The following SEMA6A variants were observed in gnomAD, a reference collection of about 807,000 sequenced individuals.
The protein encoded by SEMA6A is semaphorin 6A.
SEMA6A carries 25 observed loss-of-function variants against 96.8 expected under a neutral mutation model. The observed-to-expected ratio is 0.26, with a 90% CI of 0.19 to 0.36. SEMA6A has a LOEUF of 0.36. Ranked by LOEUF, SEMA6A falls within the 10% of genes least tolerant of loss-of-function variation. The pLI is 1.00. For synonymous variants in SEMA6A, 612 were observed against 518.0 expected (o/e 1.18, Z -2.46); for missense variants, 1,363 against 1,323.1 (o/e 1.03, Z -0.47).
At position 116,491,823 on chromosome 5, in the gene SEMA6A, G is replaced by A. The variant is rs374701163; in HGVS notation, c.452C>T (p.Thr151Ile). Reference sequence around the variant, plus strand: ...GAATTCATCCCCGAATGGTTCCAATGTATCCATCTAAATGAAATAATCAGA... The same window carrying A: ...GAATTCATCCCCGAATGGTTCCAATATATCCATCTAAATGAAATAATCAGA... Reference protein sequence around the residue: ...NPSCRNYKMDTLEPFGDEFSG... With the variant: ...NPSCRNYKMDILEPFGDEFSG... The change falls in exon 7 of 19, where the codon ACA becomes ATA. Residue 151 changes from threonine to isoleucine, a missense_variant. Transcript: ENST00000343348. 15 of 1,610,876 alleles carry A rather than the reference G, an allele frequency of 9.3e-6. No individual in the cohort carries two copies. Among genetic ancestry groups the A allele is most frequent in the African/African-American group, 1.3e-5 (1 of 74,894 alleles).
At chr5:116,557,573 A>G (rs1444576988) in intron 1 of SEMA6A, among the ~76,000 whole-genome samples, 2 of 152,262 alleles carry the variant, frequency 1.3e-5, no homozygotes, top group African/African-American at 4.8e-5. Context: ...TTTTTTGCAC[A>G]TACAAAATAG....
At chr5:116,553,649 G>A (rs1760501841) in intron 1 of SEMA6A, among the ~76,000 whole-genome samples, 3 of 152,138 alleles carry the variant, frequency 2.0e-5, no homozygotes, top group South Asian at 2.1e-4. Context: ...AATAGTACCC[G>A]GCCTTGGTTG....
intron 1 of SEMA6A, among the ~76,000 whole-genome samples, chr5:116,547,261 A>G (rs1353507044): frequency 7.2e-5 from 11 of 152,238 alleles, no homozygotes; most frequent in African/African-American, 2.7e-4. Flanking sequence ...TGTTGCTGAA[A>G]TATCTCATAT....
intron 1 of SEMA6A, among the ~76,000 whole-genome samples, chr5:116,537,609 G>A (rs1759772595): frequency 6.6e-6 from 1 of 152,142 alleles, no homozygotes. Flanking sequence ...AAAGTAACTT[G>A]TGCCTTTACA....
intron 3 of SEMA6A, among the ~76,000 whole-genome samples, chr5:116,497,889 G>A (rs935808308): frequency 6.6e-6 from 1 of 152,166 alleles, no homozygotes; most frequent in African/African-American, 2.4e-5. Flanking sequence ...TCGACAGGAT[G>A]GATGACGACA....
intron 1 of SEMA6A, among the ~76,000 whole-genome samples, chr5:116,526,138 T>C (rs563545088): frequency 0.039 from 5,903 of 152,216 alleles, 369 homozygotes; most frequent in African/African-American, 0.14. Context: ...TTTTCCCCCC[T>C]TCTTTTTTAT....
At chr5:116,451,661 CAAT>C (rs1344646658) in intron 18 of SEMA6A, among the ~76,000 whole-genome samples, 1 of 152,048 alleles carries the variant, frequency 6.6e-6, no homozygotes, top group Non-Finnish European at 1.5e-5. Context: ...AATGGGTTTT[CAAT>C]ACATTGTAGA....
chr5:116,471,731 C>T (rs778635790), intron 17 of SEMA6A: 1 of 152,216 alleles, frequency 6.6e-6, no homozygotes, highest in Non-Finnish European at 1.5e-5. Context: ...TCCATACCTA[C>T]ACAGCTCCAA....
At position 116,446,673 on chromosome 5, in the gene SEMA6A, G is replaced by A. The variant is rs1489222688; in HGVS notation, c.3033C>T (p.Pro1011=). 2.6e-6 allele frequency: 4 copies of A among 1,556,232 alleles called. No homozygotes were observed. The highest frequency in any genetic ancestry group is 3.5e-6 in the Non-Finnish European group (4 of 1,149,586). The change falls in exon 19 of 19, where the codon CCC becomes CCT. Residue 1011 remains proline (P), a synonymous_variant. Coordinates refer to ENST00000343348, the MANE Select transcript of SEMA6A (RefSeq NM_020796.5). ...KRTPSLKPDV[P]PKPSFAPLST... ...AAAGGGGAGCAAAGGATGGTTTGGG[G>A]GGTACGTCCGGCTTTAGCGAGGGCG... is the stretch of plus-strand genomic sequence containing the variant.
chr5:116,511,491 A>G (rs910782777), intron 1 of SEMA6A, among the ~76,000 whole-genome samples: 1 of 152,228 alleles, frequency 6.6e-6, no homozygotes, highest in Non-Finnish European at 1.5e-5. Flanking sequence ...CAAGGCATTA[A>G]AGAAAAAGGA....
intron 1 of SEMA6A, among the ~76,000 whole-genome samples, chr5:116,542,288 G>C (rs536478960): frequency 1.2e-3 from 178 of 152,200 alleles, no homozygotes; most frequent in African/African-American, 4.0e-3. Flanking sequence ...GTTTATATAA[G>C]TTAGAATTCT....
chr5:116,573,299 C>A (rs960337622), intron 1 of SEMA6A, among the ~76,000 whole-genome samples: 1 of 152,164 alleles, frequency 6.6e-6, no homozygotes, highest in Non-Finnish European at 1.5e-5. Context: ...CTCACCCTTC[C>A]CCCTCCTGGG....
intron 1 of SEMA6A, among the ~76,000 whole-genome samples, chr5:116,522,045 G>A (rs967230276): frequency 6.6e-6 from 1 of 152,058 alleles, no homozygotes; most frequent in Non-Finnish European, 1.5e-5. Flanking sequence ...ATTGTAAAGG[G>A]GGCTGTTTTT....
Position 116,444,650 on chromosome 5 carries a change from A to G in SEMA6A, c.*1963T>C, listed in dbSNP as rs2112560972. The stretch of plus-strand genomic sequence containing the variant: ...ACACACCACCTCCCATCCCCTAAAA[A>G]CATAATTAACAAAATAAAAAATAAA... On this transcript the variant is annotated 3_prime_UTR_variant, in exon 19 of 19. Coordinates refer to ENST00000343348, the MANE Select transcript of SEMA6A (RefSeq NM_020796.5). 6.5e-6 allele frequency: 1 copy of G among 152,722 alleles called. No individual in the cohort carries two copies. The highest frequency in any genetic ancestry group is 1.9e-4 in the East Asian group (1 of 5,188). 9.5% of individuals were successfully genotyped at this position (152,722 alleles called of 1,614,324 possible). A position where few individuals can be genotyped will look rare whatever the true frequency, so the allele number is the denominator to read the frequency against.
chr5:116,448,331 C>G (rs1754402210), intron 18 of SEMA6A, among the ~76,000 whole-genome samples: 1 of 151,880 alleles, frequency 6.6e-6, no homozygotes, highest in Non-Finnish European at 1.5e-5. Flanking sequence ...GGTGACAGAG[C>G]GAGACTCCGT....
chr5:116,449,526 TG>T (rs776881349), intron 18 of SEMA6A: 11 of 555,466 alleles, frequency 2.0e-5, no homozygotes, highest in Non-Finnish European at 3.2e-5. Context: ...AGCTTTCTCA[TG>T]GGGGTTTTTC....
rs780637720 is a variant in SEMA6A at position 116,482,360 on chromosome 5, G to A, written c.1094+84C>T. The A allele has an allele frequency of 3.2e-5, 45 of 1,422,258 alleles. 1 individual carries two copies. Among genetic ancestry groups the A allele is most frequent in the Middle Eastern group, 2.0e-4 (1 of 5,044 alleles). The allele number at this position is 1,422,258 out of a possible 1,614,324, so 88.1% of individuals were successfully genotyped here. A position where few individuals can be genotyped will look rare whatever the true frequency, so the allele number is the denominator to read the frequency against. On this transcript the variant is annotated intron_variant, in intron 11 of 18. Transcript: ENST00000343348. ...TGGCTGGCATGGAAGGCACTGGTGCGCAGTTCATAGGATGTTCATTATCAG... is the reference window on the plus strand; with the variant it reads ...TGGCTGGCATGGAAGGCACTGGTGCACAGTTCATAGGATGTTCATTATCAG...
chr5:116,467,134 A>T (rs1014776412), intron 18 of SEMA6A, among the ~76,000 whole-genome samples: 3 of 152,186 alleles, frequency 2.0e-5, no homozygotes, highest in African/African-American at 7.2e-5. Flanking sequence ...GAGAGATGCT[A>T]CCAGCCAGAA....
At chr5:116,539,700 T>C (rs1759879794) in intron 1 of SEMA6A, among the ~76,000 whole-genome samples, 1 of 152,118 alleles carries the variant, frequency 6.6e-6, no homozygotes, top group Non-Finnish European at 1.5e-5. Flanking sequence ...CTTCAACAAC[T>C]TGATCTTCAC....
Sources: gnomAD v4.1 joint callset for allele counts (sites outside exome capture counted in the v4.1 genomes callset) on GRCh38, gnomAD v4.1.1 for gene constraint, MANE v1.5 for transcripts, NCBI Gene and HGNC (gene_info 2026-07-23, HGNC 2026-07-21) for gene names.